OSBPL9: variants seen among roughly 807,000 people sequenced by gnomAD.
OSBPL9 encodes the protein oxysterol binding protein like 9.
OSBPL9 carries 40 observed loss-of-function variants against 106.6 expected under a neutral mutation model. That is an observed-to-expected ratio of 0.38 (90% CI 0.29 to 0.49). OSBPL9 has a LOEUF of 0.49. Ranked by LOEUF, OSBPL9 falls within the 20% of genes least tolerant of loss-of-function variation. The pLI is 0.97. For synonymous variants in OSBPL9, 269 were observed against 295.4 expected, an observed-to-expected ratio of 0.91 and a Z score of 0.92; for missense variants, 609 against 887.2, an observed-to-expected ratio of 0.69 and a Z score of 3.98.
At chr1:51,694,854 A>G (rs1375474663) in intron 3 of OSBPL9, among the ~76,000 whole-genome samples, 1 of 152,174 alleles carries the variant, frequency 6.6e-6, no homozygotes, top group Non-Finnish European at 1.5e-5. Context: ...ATGTTTGCCT[A>G]CAAGCTTGAA....
intron 2 of OSBPL9, among the ~76,000 whole-genome samples, chr1:51,605,902 C>T (rs757174622): frequency 6.6e-6 from 1 of 151,780 alleles, no homozygotes; most frequent in East Asian, 1.9e-4. Flanking sequence ...ATTGCTTGAA[C>T]CTGGGAGGTG....
chr1:51,709,733 GTGGCC>G (rs1296041724), intron 3 of OSBPL9: 2 of 152,804 alleles, frequency 1.3e-5, no homozygotes, highest in Non-Finnish European at 2.9e-5. Flanking sequence ...AGTGGCCCAT[GTGGCC>G]TCCTACCTAC....
intron 1 of OSBPL9, among the ~76,000 whole-genome samples, chr1:51,580,012 T>A (rs901673329): frequency 2.6e-5 from 4 of 152,168 alleles, no homozygotes; most frequent in Non-Finnish European, 4.4e-5. Flanking sequence ...CACTTCTCTC[T>A]GAGATCCATG....
At chr1:51,610,244 T>TTTGTTG (rs113181959) in intron 2 of OSBPL9, among the ~76,000 whole-genome samples, 2,990 of 151,018 alleles carry the variant, frequency 0.02, 66 homozygotes, top group Middle Eastern at 0.067. Flanking sequence ...GGAACTGATA[T>TTTGTTG]TTGTTGTTGT....
At chr1:51,721,318 A>T (rs1413622450) in intron 4 of OSBPL9, among the ~76,000 whole-genome samples, 1 of 152,188 alleles carries the variant, frequency 6.6e-6, no homozygotes, top group African/African-American at 2.4e-5. Flanking sequence ...AAACATCATT[A>T]TATGAAAAGG....
At chr1:51,743,190 T>C (rs72898090) in intron 4 of OSBPL9, among the ~76,000 whole-genome samples, 18,759 of 152,286 alleles carry the variant, frequency 0.12, 1,272 homozygotes, top group Middle Eastern at 0.22. Flanking sequence ...TTGGGCCAGT[T>C]CTGGGACTGT....
intron 4 of OSBPL9, among the ~76,000 whole-genome samples, chr1:51,718,483 C>T (rs886667955): frequency 6.6e-6 from 1 of 152,158 alleles, no homozygotes; most frequent in Non-Finnish European, 1.5e-5. Flanking sequence ...TATGTACCCA[C>T]AAAAATTTAA....
At chr1:51,608,695 T>C (rs987133359) in intron 2 of OSBPL9, among the ~76,000 whole-genome samples, 5 of 151,286 alleles carry the variant, frequency 3.3e-5, no homozygotes, top group African/African-American at 1.2e-4. Flanking sequence ...GGGGCTTTCC[T>C]GCCCTGCTCT....
At chr1:51,557,641 A>T in the OSBPL9 span, among the ~76,000 whole-genome samples, 1 of 152,190 alleles carries the variant, frequency 6.6e-6, no homozygotes, top group African/African-American at 2.4e-5. Context: ...ATCCCACTTG[A>T]GTAATAACAT....
chr1:51,756,648 A>G, intron 9 of OSBPL9: 2 of 303,248 alleles, frequency 6.6e-6, no homozygotes, highest in Admixed American at 9.1e-5. Context: ...TAAATAATGC[A>G]TAACTCAGTG....
chr1:51,625,245 G>A (rs781645063), intron 1 of OSBPL9, among the ~76,000 whole-genome samples: 35 of 152,120 alleles, frequency 2.3e-4, no homozygotes, highest in Non-Finnish European at 4.1e-4. Flanking sequence ...AAGATGTAGA[G>A]TTGTTCTTAA....
chr1:51,618,024 G>GTGT (rs1553150728), intron 1 of OSBPL9, among the ~76,000 whole-genome samples: 1 of 150,412 alleles, frequency 6.6e-6, no homozygotes, highest in African/African-American at 2.4e-5. Flanking sequence ...GTGTGTGTGT[G>GTGT]GTTTTTTTTT....
chr1:51,756,348 A>G lies in OSBPL9; in HGVS notation c.572A>G (p.Asp191Gly). Residue 191 changes from aspartate (D) to glycine (G), a missense_variant, in exon 9 of 24, where the codon GAT becomes GGT. Around this residue, in one of 5 missense-constraint regions of OSBPL9, gnomAD observed 356 missense variants for 505.8 expected, o/e 0.70. Transcript: ENST00000428468. Reference protein sequence around the residue: ...KDQSNAEKHADGMISTINPVD... With the variant: ...KDQSNAEKHAGGMISTINPVD... The stretch of plus-strand genomic sequence containing the variant: ...CAGAGTAATGCGGAGAAGCACGCAG[A>G]TGGAATGATAGTAAGTTTAATGTAA... 6.2e-7 allele frequency: 1 copy of G among 1,613,148 alleles called. No homozygotes were observed. The highest frequency in any genetic ancestry group is 1.1e-5 in the South Asian group (1 of 91,002).
chr1:51,635,783 C>G (rs932363215), intron 1 of OSBPL9, among the ~76,000 whole-genome samples: 2 of 151,908 alleles, frequency 1.3e-5, no homozygotes, highest in Non-Finnish European at 2.9e-5. Flanking sequence ...ACCTGAGACT[C>G]GACAATGTTA....
intron 2 of OSBPL9, among the ~76,000 whole-genome samples, 182 bp downstream of exon 2, chr1:51,652,223 A>G (rs984947587): frequency 4.6e-5 from 7 of 152,250 alleles, no homozygotes; most frequent in Non-Finnish European, 7.3e-5. Flanking sequence ...AACCAGGACT[A>G]GAACTCAGTT....
intron 3 of OSBPL9, among the ~76,000 whole-genome samples, chr1:51,692,554 C>T (rs1213457096): frequency 6.6e-6 from 1 of 152,080 alleles, no homozygotes; most frequent in Non-Finnish European, 1.5e-5. Flanking sequence ...TACAATCTTA[C>T]AGGACCACTG....
intron 4 of OSBPL9, among the ~76,000 whole-genome samples, chr1:51,723,103 TC>T (rs1662449240): frequency 6.6e-6 from 1 of 152,136 alleles, no homozygotes; most frequent in South Asian, 2.1e-4. Flanking sequence ...ACTATCAACA[TC>T]CCCCACCAGA....
chr1:51,785,930 T>C (rs1184165300), intron 21 of OSBPL9, 44 bp downstream of exon 21: 1 of 1,492,364 alleles, frequency 6.7e-7, no homozygotes, highest in Admixed American at 1.7e-5. Context: ...TACATTAGAT[T>C]GTACTCTATC....
In OSBPL9 at chr1:51,617,273, G is replaced by T. The variant is rs925473019; in HGVS notation, c.111+52G>T. The T allele has an allele frequency of 2.6e-6, 4 of 1,536,850 alleles. No homozygotes were observed. In the Admixed American group the frequency reaches 6.0e-5, roughly 23 times the overall value. ...GGCGCCTCGGGGCCGCGTTTCCTGG[G>T]TGGAGGTGGGGGACCGGGGTTTTAG... On this transcript the variant is annotated intron_variant, in intron 1 of 23. Coordinates refer to ENST00000428468, the MANE Select transcript of OSBPL9 (RefSeq NM_024586.6).
Sources: allele counts gnomAD v4.1 joint callset (sites outside exome capture counted in the v4.1 genomes callset), GRCh38; gene constraint gnomAD v4.1.1; regional missense constraint gnomAD v4.1.1; transcripts MANE v1.5; gene names NCBI Gene and HGNC (gene_info 2026-07-23, HGNC 2026-07-21).